Variants in ADARB2 observed in about 807,000 individuals in gnomAD.
ADARB2 encodes the protein adenosine deaminase RNA specific B2 (inactive), also known as inactive double-stranded RNA-specific editase B2.
A neutral mutation model predicts 62.2 loss-of-function variants in ADARB2; 25 were observed. The ratio of observed to expected loss-of-function variants is 0.40; its 90% CI spans 0.29 to 0.56. The LOEUF (loss-of-function observed/expected upper bound fraction) is 0.56. Among genes scored for constraint, ADARB2 ranks in the 20% least tolerant of loss-of-function variants. The probability of loss-of-function intolerance (pLI) is 0.43; values close to 1 mark genes in which losing one functional copy is unlikely to be tolerated. For synonymous variants in ADARB2, 572 were observed against 500.8 expected (o/e 1.14, Z -1.90); for missense variants, 1,071 against 1,077.4 (o/e 0.99, Z 0.08).
rs551934814 is a variant in ADARB2, at chr10:1,293,766, T to C, written c.1078-22697A>G. On this transcript the variant is annotated intron_variant, in intron 3 of 9. Coordinates refer to ENST00000381312, the MANE Select transcript of ADARB2 (RefSeq NM_018702.4). ...TAAATCTGACACCAACCTCGGAAGA[T>C]GGTAATGCATTCAAGGCTTTTCTTC... Among the ~76,000 whole-genome samples the C allele has an allele frequency of 3.3e-5, 5 of 152,338 alleles. No individual in the cohort carries two copies. The East Asian group carries it at 9.6e-4, about 29-fold the overall frequency.
chr10:1,422,242 G>A (rs576121700), intron 1 of ADARB2, among the ~76,000 whole-genome samples: 7 of 152,250 alleles, frequency 4.6e-5, no homozygotes, highest in Non-Finnish European at 1.0e-4. Context: ...ATATTTCACA[G>A]CTTTATGCTT....
intron 1 of ADARB2, among the ~76,000 whole-genome samples, chr10:1,694,766 G>C (rs144991907): frequency 1.3e-5 from 2 of 152,218 alleles, no homozygotes; most frequent in Admixed American, 6.5e-5. Flanking sequence ...GGAAGCAGCA[G>C]GAGCTGGACA....
At chr10:1,545,558 T>G (rs897362461) in intron 1 of ADARB2, among the ~76,000 whole-genome samples, 6 of 152,148 alleles carry the variant, frequency 3.9e-5, no homozygotes, top group African/African-American at 1.2e-4. Context: ...TTCCTCCCCT[T>G]CCTCCCCTTC....
At chr10:1,201,075 C>T (rs1391358934) in intron 7 of ADARB2, among the ~76,000 whole-genome samples, 1 of 152,200 alleles carries the variant, frequency 6.6e-6, no homozygotes, top group Non-Finnish European at 1.5e-5. Context: ...TCTCCGAGAA[C>T]CCGTGATACC....
rs1478641964 is a variant in ADARB2 at position 1,226,820 on chromosome 10, A to T, written c.1513+6874T>A. ...CTGTGTGAGGTGTCAGTCTGCCTCT[A>T]TTGGGGGGGTGCCTCCCAGTTAGGC... On this transcript the variant is annotated intron_variant, in intron 6 of 9. Transcript: ENST00000381312. Among the ~76,000 whole-genome samples the T allele has an allele frequency of 3.3e-5, 5 of 150,818 alleles. No individual in the cohort carries two copies. The South Asian group carries it at 1.1e-3, about 32-fold the overall frequency.
At chr10:1,586,739 A>G (rs1833186004) in intron 1 of ADARB2, among the ~76,000 whole-genome samples, 1 of 152,246 alleles carries the variant, frequency 6.6e-6, no homozygotes, top group South Asian at 2.1e-4. Context: ...TGTCAGTGGA[A>G]AAACATTCTC....
At chr10:1,323,640 A>G (rs1831817774) in intron 3 of ADARB2, among the ~76,000 whole-genome samples, 1 of 152,184 alleles carries the variant, frequency 6.6e-6, no homozygotes, top group African/African-American at 2.4e-5. Context: ...GGGTCCATAG[A>G]GCAGAATAGA....
chr10:1,462,741 C>T (rs563308513), intron 1 of ADARB2, among the ~76,000 whole-genome samples: 1 of 148,736 alleles, frequency 6.7e-6, no homozygotes, highest in African/African-American at 2.5e-5. Context: ...GTGTATGTGC[C>T]TGTGTGTATG....
chr10:1,620,927 C>T (rs1200478799), intron 1 of ADARB2, among the ~76,000 whole-genome samples: 1 of 152,112 alleles, frequency 6.6e-6, no homozygotes, highest in Non-Finnish European at 1.5e-5. Flanking sequence ...TGACAAACTC[C>T]CTTAACAACT....
chr10:1,543,000 T>C (rs575458485), intron 1 of ADARB2, among the ~76,000 whole-genome samples: 2 of 152,392 alleles, frequency 1.3e-5, no homozygotes, highest in South Asian at 4.1e-4. Context: ...AGCAGATTCT[T>C]GTCCAGGTGT....
intron 1 of ADARB2, among the ~76,000 whole-genome samples, chr10:1,583,196 G>GT (rs5782585): frequency 0.79 from 120,007 of 152,106 alleles, 47,424 homozygotes; most frequent in South Asian, 0.86. Context: ...AATATGCAGT[G>GT]TTCAAAATTT....
chr10:1,341,228 A>G (rs1022325376), intron 3 of ADARB2, among the ~76,000 whole-genome samples: 1 of 151,832 alleles, frequency 6.6e-6, no homozygotes, highest in African/African-American at 2.4e-5. Context: ...CGTGCCCCAC[A>G]GTGGCAATAA....
chr10:1,392,059 C>A (rs1297349660), intron 1 of ADARB2, among the ~76,000 whole-genome samples: 1 of 152,106 alleles, frequency 6.6e-6, no homozygotes, highest in Non-Finnish European at 1.5e-5. Context: ...AGCCCCCGTG[C>A]CTGGTCAGAA....
chr10:1,581,546 T>C (rs900475362), intron 1 of ADARB2, among the ~76,000 whole-genome samples: 2 of 152,196 alleles, frequency 1.3e-5, no homozygotes, highest in African/African-American at 4.8e-5. Flanking sequence ...TACGTAAACC[T>C]GTAGAATGGA....
chr10:1,310,787 C>T lies in ADARB2; in HGVS notation c.1078-39718G>A, dbSNP rs147995366. ...CCGTTTCACTCTGACTCTCGTTTCC[C>T]CAAGGAAGAGGCAGGGAAAGAGGAG... is the stretch of plus-strand genomic sequence containing the variant. On this transcript the variant is annotated intron_variant, in intron 3 of 9. Transcript: ENST00000381312. Among the ~76,000 whole-genome samples the T allele has an allele frequency of 3.9e-4, 59 of 152,212 alleles. 1 individual carries two copies. The highest frequency in any genetic ancestry group is 1.3e-3 in the African/African-American group (56 of 41,522).
At chr10:1,641,309 G>T (rs1036877112) in intron 1 of ADARB2, among the ~76,000 whole-genome samples, 5 of 152,218 alleles carry the variant, frequency 3.3e-5, no homozygotes, top group Non-Finnish European at 7.3e-5. Flanking sequence ...GCACGAAGTG[G>T]TGTGTTTCCA....
chr10:1,425,945 G>A (rs764721277), intron 1 of ADARB2, among the ~76,000 whole-genome samples: 2 of 152,200 alleles, frequency 1.3e-5, no homozygotes, highest in African/African-American at 2.4e-5. Flanking sequence ...AGAATGACCC[G>A]ACGTGGAGCT....
At chr10:1,266,754 G>C (rs1049102369) in intron 4 of ADARB2, among the ~76,000 whole-genome samples, 8 of 152,206 alleles carry the variant, frequency 5.3e-5, no homozygotes, top group Non-Finnish European at 8.8e-5. Context: ...CACTGCCCCT[G>C]GCCTGGAGGA....
At chr10:1,309,266 T>C (rs1191035348) in intron 3 of ADARB2, among the ~76,000 whole-genome samples, 5 of 152,222 alleles carry the variant, frequency 3.3e-5, no homozygotes, top group Non-Finnish European at 4.4e-5. Flanking sequence ...AAATGTGCCA[T>C]TGCTGGACAG....
Sources: allele counts gnomAD v4.1 joint callset (sites outside exome capture counted in the v4.1 genomes callset), GRCh38; gene constraint gnomAD v4.1.1; transcripts MANE v1.5; gene names NCBI Gene and HGNC (gene_info 2026-07-23, HGNC 2026-07-21).